Variants in CFAP90 observed in about 807,000 individuals in gnomAD.
The protein encoded by CFAP90 is cilia- and flagella-associated protein 90.
chr5:7,850,170 G>A, the CFAP90 span, among the ~76,000 whole-genome samples: 1 of 152,144 alleles, frequency 6.6e-6, no homozygotes, highest in African/African-American at 2.4e-5. Context: ...CAGGGGTTCA[G>A]CTGACACTGG....
chr5:7,842,313 GAAA>G, the CFAP90 span, among the ~76,000 whole-genome samples: 3 of 142,300 alleles, frequency 2.1e-5, no homozygotes, highest in Middle Eastern at 3.6e-3. Flanking sequence ...CTACAAGAAA[GAAA>G]AAAAAAAAAA....
At chr5:7,838,937 T>C in the CFAP90 span, among the ~76,000 whole-genome samples, 1 of 152,172 alleles carries the variant, frequency 6.6e-6, no homozygotes, top group East Asian at 1.9e-4. Context: ...AGTGTATTAG[T>C]CTGTTTTCAT....
the CFAP90 span, chr5:7,835,517 A>G: frequency 4.9e-6 from 7 of 1,417,618 alleles, no homozygotes; most frequent in Middle Eastern, 1.8e-4. Context: ...AAAAAGAGAA[A>G]GAAAGCCATG....
chr5:7,850,791 GCCGCCC>G, the CFAP90 span: 1 of 1,166 alleles, frequency 8.6e-4, no homozygotes, highest in Non-Finnish European at 1.2e-3. Flanking sequence ...CCCCTGCCCA[GCCGCCC>G]AGCCGCCCAG....
chr5:7,833,012 T>C, the CFAP90 span, among the ~76,000 whole-genome samples: 57 of 152,310 alleles, frequency 3.7e-4, no homozygotes, highest in Admixed American at 1.0e-3. Context: ...TCTAGAAAAA[T>C]TATGAAAGCC....
At chr5:7,839,405 T>A in the CFAP90 span, among the ~76,000 whole-genome samples, 1 of 152,094 alleles carries the variant, frequency 6.6e-6, no homozygotes, top group Non-Finnish European at 1.5e-5. Flanking sequence ...TTTAATCAGG[T>A]CCAACCCTCC....
chr5:7,836,377 G>A, the CFAP90 span, among the ~76,000 whole-genome samples: 3 of 152,124 alleles, frequency 2.0e-5, no homozygotes, highest in East Asian at 1.9e-4. Context: ...CAGGAGCCAA[G>A]GGCAGACGTC....
At chr5:7,850,829 CAG>C in the CFAP90 span, 1 of 1,153,762 alleles carries the variant, frequency 8.7e-7, no homozygotes. Context: ...CCCAGCCGCC[CAG>C]CCGCCCAGCC....
At chr5:7,851,103 G>A in the CFAP90 span, 3 of 1,224,884 alleles carry the variant, frequency 2.4e-6, no homozygotes, top group Middle Eastern at 3.1e-4. Context: ...CAGGCCTCAG[G>A]TTGCTCAGCG....
the CFAP90 span, among the ~76,000 whole-genome samples, chr5:7,848,322 A>T: frequency 3.3e-5 from 5 of 152,068 alleles, no homozygotes; most frequent in African/African-American, 1.2e-4. Flanking sequence ...CTGATTGCAA[A>T]TGTCCCTTTT....
At chr5:7,850,931 T>G in the CFAP90 span, 4 of 1,358,112 alleles carry the variant, frequency 2.9e-6, no homozygotes, top group Middle Eastern at 6.4e-4. Context: ...CGCGGCGGGA[T>G]GTAGCTGAAG....
the CFAP90 span, among the ~76,000 whole-genome samples, chr5:7,832,425 T>C: frequency 3.9e-5 from 6 of 152,062 alleles, no homozygotes; most frequent in African/African-American, 1.4e-4. Flanking sequence ...CCCTCTCACT[T>C]TCCCCATCTT....
the CFAP90 span, among the ~76,000 whole-genome samples, chr5:7,841,656 T>G: frequency 6.6e-6 from 1 of 152,170 alleles, no homozygotes; most frequent in African/African-American, 2.4e-5. Context: ...TAAAAAGGAA[T>G]GAGATCACAT....
chr5:7,835,908 T>C, the CFAP90 span, among the ~76,000 whole-genome samples: 1 of 152,094 alleles, frequency 6.6e-6, no homozygotes, highest in Non-Finnish European at 1.5e-5. Flanking sequence ...GCAACAGCAG[T>C]GTATTTCTCA....
chr5:7,833,824 C>G, the CFAP90 span, among the ~76,000 whole-genome samples: 1 of 152,052 alleles, frequency 6.6e-6, no homozygotes, highest in African/African-American at 2.4e-5. Context: ...CCTAATAGAA[C>G]TGAAAAATTC....
chr5:7,849,061 C>T, the CFAP90 span, among the ~76,000 whole-genome samples: 1 of 152,206 alleles, frequency 6.6e-6, no homozygotes, highest in African/African-American at 2.4e-5. Flanking sequence ...TGGAATAGGG[C>T]TCATCCTAGT....
chr5:7,841,689 G>A, the CFAP90 span, among the ~76,000 whole-genome samples: 1 of 152,164 alleles, frequency 6.6e-6, no homozygotes, highest in Admixed American at 6.5e-5. Flanking sequence ...CATGGATGGA[G>A]CTGGAGGCCA....
At chr5:7,831,595 T>C in the CFAP90 span, 1 of 369,872 alleles carries the variant, frequency 2.7e-6, no homozygotes, top group East Asian at 4.0e-5. Context: ...TGATCAAAAA[T>C]AATTCCAGCT....
At chr5:7,832,109 T>C in the CFAP90 span, 1 of 1,439,744 alleles carries the variant, frequency 6.9e-7, no homozygotes, top group Non-Finnish European at 9.5e-7. Flanking sequence ...TCAGCCTGGG[T>C]CCTGGGAGCT....
Sources: gnomAD v4.1 joint callset for allele counts (sites outside exome capture counted in the v4.1 genomes callset) on GRCh38, gnomAD v4.1.1 for gene constraint, MANE v1.5 for transcripts, NCBI Gene and HGNC (gene_info 2026-07-23, HGNC 2026-07-21) for gene names.